The following FAM107A variants were observed in gnomAD, a reference collection of about 807,000 sequenced individuals.
The protein encoded by FAM107A is family with sequence similarity 107 member A.
Under a neutral mutation model 13.7 loss-of-function variants are expected in FAM107A, and 19 were observed. That is an observed-to-expected ratio of 1.38 (90% CI 0.97 to 2.03). The LOEUF is 2.03. Among genes scored for constraint, FAM107A ranks in the 30% most tolerant of loss-of-function variants. FAM107A has a pLI of 0.00. For synonymous variants in FAM107A, 82 were observed against 74.5 expected, an observed-to-expected ratio of 1.10 and a Z score of -0.52; for missense variants, 203 against 184.4, an observed-to-expected ratio of 1.10 and a Z score of -0.58.
intron 1 of FAM107A, among the ~76,000 whole-genome samples, chr3:58,622,000 G>A (rs1006057104): frequency 6.6e-6 from 1 of 152,212 alleles, no homozygotes; most frequent in Non-Finnish European, 1.5e-5. Context: ...GTGTCAGGTG[G>A]GGGAGAGGTC....
chr3:58,578,228 A>G (rs2063746444), upstream of FAM107A, among the ~76,000 whole-genome samples: 1 of 152,228 alleles, frequency 6.6e-6, no homozygotes. Context: ...CTGGCAGAAT[A>G]TGTGTTCCAT....
At position 58,595,476 on chromosome 3, in the gene FAM107A, C is replaced by T. The variant is rs149934245; in HGVS notation, c.-69-6207G>A. ...TGACAATACACCCTCCCTGCCCTTG[C>T]GATAATGTATATTCCCTTGCCCTTA... is the stretch of plus-strand genomic sequence containing the variant. On this transcript the variant is annotated intron_variant, in intron 1 of 3. Coordinates refer to the FAM107A transcript ENST00000465970. Among the ~76,000 whole-genome samples, 23 of 152,222 alleles carry T rather than the reference C, an allele frequency of 1.5e-4. No individual in the cohort carries two copies. The East Asian group carries it at 2.3e-3, about 15-fold the overall frequency.
intron 1 of FAM107A, among the ~76,000 whole-genome samples, chr3:58,585,209 C>T (rs1228532002): frequency 6.6e-6 from 1 of 152,188 alleles, no homozygotes; most frequent in Non-Finnish European, 1.5e-5. Flanking sequence ...GAACACAAGG[C>T]CTTCAGATTA....
chr3:58,597,794 C>T (rs1006705193), intron 1 of FAM107A, among the ~76,000 whole-genome samples: 3 of 151,958 alleles, frequency 2.0e-5, no homozygotes, highest in African/African-American at 7.3e-5. Context: ...CTGAGGCCTT[C>T]GGCAGGTTAA....
At chr3:58,616,715 C>T (rs1389317195) in intron 1 of FAM107A, among the ~76,000 whole-genome samples, 1 of 152,138 alleles carries the variant, frequency 6.6e-6, no homozygotes, top group Non-Finnish European at 1.5e-5. Flanking sequence ...CCTGCCGACA[C>T]CCTGATTTCA....
At chr3:58,599,718 T>A (rs1226767386) in intron 1 of FAM107A, among the ~76,000 whole-genome samples, 2 of 122,256 alleles carry the variant, frequency 1.6e-5, no homozygotes, top group Admixed American at 7.9e-5. Context: ...TTTTTTTTTT[T>A]TTTTTTTTTT....
intron 1 of FAM107A, among the ~76,000 whole-genome samples, chr3:58,596,175 C>G (rs551203855): frequency 6.6e-6 from 1 of 152,264 alleles, no homozygotes; most frequent in African/African-American, 2.4e-5. Context: ...AGAAAAACCT[C>G]TTGGCATTGG....
Position 58,565,596 on chromosome 3 carries a change from G to C in FAM107A, c.*992C>G, listed in dbSNP as rs904089214. 1.3e-5 allele frequency: 2 copies of C among 151,932 alleles called. No individual in the cohort carries two copies. The highest frequency in any genetic ancestry group is 4.8e-5 in the African/African-American group (2 of 41,354). The allele number at this position is 151,932 out of a possible 1,614,324, so 9.4% of individuals were successfully genotyped here. On this transcript the variant is annotated 3_prime_UTR_variant, in exon 4 of 4. Transcript: ENST00000360997. Reference sequence around the variant, plus strand: ...CCAAAGTCTTCACGGGCAATCCCTGGGGTGGGAGTCTGGGATGGGGTGGAT... The same window carrying C: ...CCAAAGTCTTCACGGGCAATCCCTGCGGTGGGAGTCTGGGATGGGGTGGAT...
intron 1 of FAM107A, among the ~76,000 whole-genome samples, chr3:58,594,668 CT>C (rs1360555739): frequency 6.6e-6 from 1 of 152,192 alleles, no homozygotes; most frequent in East Asian, 1.9e-4. Flanking sequence ...TCCTGGTCCC[CT>C]GATGACACCA....
At chr3:58,574,705 C>T (rs575971986) in intron 1 of FAM107A, among the ~76,000 whole-genome samples, 78 of 152,236 alleles carry the variant, frequency 5.1e-4, no homozygotes, top group African/African-American at 1.6e-3. Flanking sequence ...GTTTATGGGA[C>T]TGATGTTGTT....
exon 1 of FAM107A, chr3:58,587,098 G>T: frequency 1.5e-6 from 2 of 1,370,556 alleles, no homozygotes; most frequent in South Asian, 3.4e-5. Flanking sequence ...CGGGCGAGGA[G>T]ACGCCGCCGG....
chr3:58,591,105 G>T (rs76472499), upstream of FAM107A, among the ~76,000 whole-genome samples: 7 of 152,156 alleles, frequency 4.6e-5, no homozygotes, highest in African/African-American at 1.7e-4. This position sits in a 1 kb window ranked among gnomAD's most constrained non-coding sequence, Gnocchi z 4.3. Flanking sequence ...TTCTTGCAGC[G>T]TTCACGTTCA....
In FAM107A at chr3:58,567,361, G is replaced by T. The variant is rs1412745523; in HGVS notation, c.174C>A (p.Gly58=). 3 of 1,609,594 alleles carry T rather than the reference G, an allele frequency of 1.9e-6. No individual in the cohort carries two copies. Among genetic ancestry groups the T allele is most frequent in the Non-Finnish European group, 2.5e-6 (3 of 1,178,432 alleles). ...GCTCTGGCTTGCTGTCCACACCAAG[G>T]CCCCTGGGGTGGGAAGTGGGGAGCT... The part of the protein sequence containing the change: ...HRELLMNHRR[G]LGVDSKPELQ... Residue 58 remains glycine (G), a synonymous_variant, in exon 3 of 4, where the codon GGC becomes GGA. Transcript: ENST00000360997.
chr3:58,612,349 G>A (rs1244443777), intron 1 of FAM107A, among the ~76,000 whole-genome samples: 2 of 152,138 alleles, frequency 1.3e-5, no homozygotes, highest in East Asian at 3.8e-4. Flanking sequence ...GGAGGCTGAG[G>A]GGGGCAGATC....
intron 1 of FAM107A, among the ~76,000 whole-genome samples, chr3:58,623,253 T>A (rs566331036): frequency 6.6e-6 from 1 of 152,326 alleles, no homozygotes; most frequent in South Asian, 2.1e-4. Context: ...AAGGCAACTT[T>A]CTCTTAATGA....
At chr3:58,587,480 T>A (rs201380318), upstream of FAM107A, among the ~76,000 whole-genome samples, 134 of 48,904 alleles carry the variant, frequency 2.7e-3, 1 homozygote, top group African/African-American at 0.014. Flanking sequence ...TTAGAGTGTG[T>A]GTGTGTGTGT....
At chr3:58,573,835 C>A (rs74511364) in intron 1 of FAM107A, among the ~76,000 whole-genome samples, 1 of 152,186 alleles carries the variant, frequency 6.6e-6, no homozygotes, top group South Asian at 2.1e-4. Flanking sequence ...TGGGACACAC[C>A]ACGCCCACTT....
upstream of FAM107A, chr3:58,577,865 G>A (rs1411369926): frequency 1.2e-5 from 3 of 259,410 alleles, no homozygotes; most frequent in South Asian, 1.5e-4. This position sits in a 1 kb window ranked among gnomAD's most constrained non-coding sequence, Gnocchi z 4.9. Context: ...AATTATCCAC[G>A]AATGGGTCAG....
intron 1 of FAM107A, among the ~76,000 whole-genome samples, chr3:58,605,781 C>T (rs942887608): frequency 4.6e-5 from 7 of 152,160 alleles, no homozygotes; most frequent in South Asian, 2.1e-4. Context: ...AGAGAAAATG[C>T]TTAAGCCTTC....
Sources: allele counts gnomAD v4.1 joint callset (sites outside exome capture counted in the v4.1 genomes callset), GRCh38; gene constraint gnomAD v4.1.1; non-coding constraint Gnocchi (gnomAD v3.1); transcripts MANE v1.5; gene names NCBI Gene and HGNC (gene_info 2026-07-23, HGNC 2026-07-21).